Variants in ADARB2 observed in about 807,000 individuals in gnomAD.
ADARB2 encodes adenosine deaminase RNA specific B2 (inactive).
A neutral mutation model predicts 62.2 loss-of-function variants in ADARB2; 25 were observed. The ratio of observed to expected loss-of-function variants is 0.40; its 90% CI spans 0.29 to 0.56. ADARB2 has a LOEUF of 0.56. Ranked by LOEUF, ADARB2 falls within the 20% of genes least tolerant of loss-of-function variation. ADARB2 has a pLI of 0.43. For missense variants in ADARB2, 1,071 were observed against 1,077.4 expected (o/e 0.99, Z 0.08); for synonymous variants, 572 against 500.8 (o/e 1.14, Z -1.90).
At chr10:1,360,845 T>C (rs1427460197) in intron 3 of ADARB2, among the ~76,000 whole-genome samples, 1 of 152,260 alleles carries the variant, frequency 6.6e-6, no homozygotes, top group African/African-American at 2.4e-5. Context: ...CAAATGACTT[T>C]TACAAAGTAG....
rs140951725 is a variant in ADARB2, at chr10:1,670,756, C to T, written c.100+66295G>A. On this transcript the variant is annotated intron_variant, in intron 1 of 9. Transcript: ENST00000381312. ...CGGGCACACAGTGGGGCCAACACTA[C>T]GGCTTCCTGAGCTGTCCAGCAGGTT... is the stretch of plus-strand genomic sequence containing the variant. Among the ~76,000 whole-genome samples, 4 of 152,294 alleles carry T rather than the reference C, an allele frequency of 2.6e-5. No homozygotes were observed. In the East Asian group the frequency reaches 7.7e-4, roughly 29 times the overall value.
intron 1 of ADARB2, among the ~76,000 whole-genome samples, chr10:1,683,577 G>A (rs1482583222): frequency 2.0e-5 from 3 of 152,186 alleles, no homozygotes; most frequent in African/African-American, 7.2e-5. Context: ...GGGTCTTTGT[G>A]CCCAGAATGG....
intron 3 of ADARB2, among the ~76,000 whole-genome samples, chr10:1,326,890 C>T (rs368913490): frequency 1.6e-4 from 11 of 69,858 alleles, no homozygotes; most frequent in East Asian, 4.1e-4. Context: ...CAGCGCCTCC[C>T]CACTGCCCAG....
intron 1 of ADARB2, among the ~76,000 whole-genome samples, chr10:1,638,288 T>C (rs1273694291): frequency 6.6e-6 from 1 of 152,236 alleles, no homozygotes; most frequent in Non-Finnish European, 1.5e-5. Context: ...TGAAAAAAGA[T>C]GACATATTTC....
At chr10:1,536,419 T>C (rs976549288) in intron 1 of ADARB2, among the ~76,000 whole-genome samples, 1 of 152,224 alleles carries the variant, frequency 6.6e-6, no homozygotes, top group African/African-American at 2.4e-5. Context: ...TATTTTGTGA[T>C]AGCAGCTGAG....
chr10:1,217,144 G>C, intron 6 of ADARB2, 25 bp from the exon 7 acceptor site: 1 of 1,538,580 alleles, frequency 6.5e-7, no homozygotes, highest in Non-Finnish European at 8.8e-7. Context: ...GGCGGGGAGG[G>C]GTGAGAAGAG....
chr10:1,462,255 C>T (rs1364415465), intron 1 of ADARB2, among the ~76,000 whole-genome samples: 1 of 152,204 alleles, frequency 6.6e-6, no homozygotes, highest in Non-Finnish European at 1.5e-5. Flanking sequence ...TGTTGAAGCC[C>T]TTATGTCACC....
chr10:1,292,290 A>G (rs1303407658), intron 3 of ADARB2: 1 of 152,200 alleles, frequency 6.6e-6, no homozygotes, highest in Non-Finnish European at 1.5e-5. Flanking sequence ...ACTCCCAGGG[A>G]GCATTGAAAC....
rs1208553254 is a variant in ADARB2 at position 1,271,070 on chromosome 10, C to G, written c.1078-1G>C. ...GCTGGGATATGGAGTCTGCGAATTC[C>G]TGAAAGACACAAGCACAGGCCTCCA... On this transcript the variant is annotated splice_acceptor_variant, in intron 3 of 9. Coordinates refer to ENST00000381312, the MANE Select transcript of ADARB2 (RefSeq NM_018702.4). LOFTEE classifies it high-confidence loss of function. 6.2e-7 allele frequency: 1 copy of G among 1,613,300 alleles called. No homozygotes were observed. The highest frequency in any genetic ancestry group is 1.3e-5 in the African/African-American group (1 of 74,904).
intron 3 of ADARB2, among the ~76,000 whole-genome samples, chr10:1,282,971 G>A (rs926817977): frequency 3.3e-5 from 5 of 152,120 alleles, no homozygotes; most frequent in Admixed American, 6.5e-5. Flanking sequence ...CGGTGCCTAC[G>A]TCAGAAGCTC....
intron 1 of ADARB2, among the ~76,000 whole-genome samples, chr10:1,586,628 T>C (rs1206801177): frequency 2.0e-5 from 3 of 152,218 alleles, no homozygotes; most frequent in African/African-American, 7.2e-5. Flanking sequence ...TCAACACCTT[T>C]TTCTTTCAAG....
chr10:1,617,177 G>A (rs1475105601), intron 1 of ADARB2, among the ~76,000 whole-genome samples: 12 of 106,618 alleles, frequency 1.1e-4, no homozygotes, highest in African/African-American at 3.1e-4. Flanking sequence ...TCAGAGGGCT[G>A]CATTCTGTTG....
chr10:1,268,895 A>T (rs1831232728), intron 4 of ADARB2, among the ~76,000 whole-genome samples: 3 of 152,202 alleles, frequency 2.0e-5, no homozygotes, highest in Admixed American at 1.3e-4. Context: ...ATTTCCCCAC[A>T]AGCCTCTAAA....
chr10:1,383,259 C>T (rs537490181), intron 1 of ADARB2, among the ~76,000 whole-genome samples: 4 of 152,166 alleles, frequency 2.6e-5, no homozygotes, highest in South Asian at 2.1e-4. Flanking sequence ...ATATTACGAC[C>T]GTTTGGGAGA....
intron 1 of ADARB2, among the ~76,000 whole-genome samples, chr10:1,385,412 AATAG>A: frequency 6.6e-6 from 1 of 152,312 alleles, no homozygotes; most frequent in East Asian, 1.9e-4. Flanking sequence ...ATGATAAGTA[AATAG>A]ATGGGGAATC....
At chr10:1,683,352 T>A (rs1233572815) in intron 1 of ADARB2, among the ~76,000 whole-genome samples, 1 of 152,190 alleles carries the variant, frequency 6.6e-6, no homozygotes, top group Non-Finnish European at 1.5e-5. Flanking sequence ...TCTAGAAGGA[T>A]GAAGCGAGGT....
At chr10:1,198,271 TTCTGCTAATACATAA>T (rs1338781573) in intron 8 of ADARB2, among the ~76,000 whole-genome samples, 3 of 152,218 alleles carry the variant, frequency 2.0e-5, no homozygotes, top group African/African-American at 7.2e-5. Context: ...CTGGGCCTCA[TTCTGCTAATACATAA>T]TCTTCATCTT....
chr10:1,300,401 C>T (rs10903417), intron 3 of ADARB2, among the ~76,000 whole-genome samples: 65,616 of 151,930 alleles, frequency 0.43, 15,708 homozygotes, highest in East Asian at 0.68. Flanking sequence ...CAGCTCCACG[C>T]CCCCCACACC....
intron 1 of ADARB2, 64 bp downstream of exon 1, chr10:1,736,987 G>A: frequency 6.5e-7 from 1 of 1,541,652 alleles, no homozygotes; most frequent in Non-Finnish European, 8.9e-7. Flanking sequence ...GACCCCATGA[G>A]AGGCCGGGGT....
Sources: gnomAD v4.1 joint callset for allele counts (sites outside exome capture counted in the v4.1 genomes callset) on GRCh38, gnomAD v4.1.1 for gene constraint, MANE v1.5 for transcripts, NCBI Gene and HGNC (gene_info 2026-07-23, HGNC 2026-07-21) for gene names.